ZNF713: variants seen among roughly 807,000 people sequenced by gnomAD.
ZNF713 encodes the protein zinc finger protein 713.
In ZNF713, 21 loss-of-function variants were observed where a neutral mutation model predicts 28.7. That is an observed-to-expected ratio of 0.73 (90% CI 0.52 to 1.05). The LOEUF (loss-of-function observed/expected upper bound fraction) is 1.05, where lower values mean the gene tolerates loss of function less well. Ranked by LOEUF, ZNF713 falls within the 50% of genes least tolerant of loss-of-function variation. The probability of loss-of-function intolerance (pLI) is 0.00; values close to 1 mark genes in which losing one functional copy is unlikely to be tolerated. For synonymous variants in ZNF713, 167 were observed against 178.0 expected (o/e 0.94, Z 0.49); for missense variants, 458 against 532.4 (o/e 0.86, Z 1.37).
rs577748739 is a variant in ZNF713, at chr7:55,932,712, G to A, written c.308-6270G>A. Reference sequence around the variant, plus strand: ...ATCCTGGCTAACAAGGTGAAACCCCGTCTCTACTAAAAATACAAAAAATTA... The same window carrying A: ...ATCCTGGCTAACAAGGTGAAACCCCATCTCTACTAAAAATACAAAAAATTA... On this transcript the variant is annotated intron_variant, in intron 6 of 6. Coordinates refer to ENST00000429591, the MANE Select transcript of ZNF713 (RefSeq NM_182633.3). Among the ~76,000 whole-genome samples, 7 of 144,538 alleles carry A rather than the reference G, an allele frequency of 4.8e-5. No homozygotes were observed. In the South Asian group the frequency reaches 1.3e-3, roughly 28 times the overall value. 94.8% of individuals were successfully genotyped at this position (144,538 alleles called of 152,430 possible).
chr7:55,900,417 G>A (rs982585316), intron 1 of ZNF713, among the ~76,000 whole-genome samples: 4 of 151,454 alleles, frequency 2.6e-5, no homozygotes, highest in South Asian at 2.1e-4. Context: ...GCAGTGAGCC[G>A]AGATTGCACC....
At chr7:55,899,333 G>GGT (rs1215047217) in intron 1 of ZNF713, among the ~76,000 whole-genome samples, 1 of 126,200 alleles carries the variant, frequency 7.9e-6, no homozygotes. Flanking sequence ...ATCCAGCCTA[G>GGT]GTGACAGAGC....
rs1786480682 is a variant in ZNF713 at position 55,942,132 on chromosome 7, G to A, written c.*2126G>A. 6.6e-6 allele frequency: 1 copy of A among 152,120 alleles called. No individual in the cohort carries two copies. The highest frequency in any genetic ancestry group is 1.5e-5 in the Non-Finnish European group (1 of 68,028). 9.4% of individuals were successfully genotyped at this position (152,120 alleles called of 1,614,324 possible). ...TCACTGTGGAAGATGGAGAAGTGAG[G>A]AACTGTACCTGCGGGTGAGCCCTGG... On this transcript the variant is annotated 3_prime_UTR_variant, in exon 7 of 7. Coordinates refer to ENST00000429591, the MANE Select transcript of ZNF713 (RefSeq NM_182633.3).
At chr7:55,938,868 T>G in intron 6 of ZNF713, 114 bp from the exon 7 acceptor site, 1 of 1,119,820 alleles carries the variant, frequency 8.9e-7, no homozygotes, top group Admixed American at 2.7e-5. Flanking sequence ...GTGTATGCCT[T>G]GTACACATTA....
chr7:55,895,333 T>G (rs926896615), intron 1 of ZNF713, among the ~76,000 whole-genome samples: 1 of 152,106 alleles, frequency 6.6e-6, no homozygotes, highest in East Asian at 1.9e-4. Flanking sequence ...CAGGATGCCA[T>G]TCGGGTTTCA....
intron 2 of ZNF713, among the ~76,000 whole-genome samples, chr7:55,909,012 A>G (rs959616871): frequency 2.6e-5 from 4 of 151,924 alleles, no homozygotes; most frequent in Admixed American, 1.3e-4. Flanking sequence ...CCTGGCCAAC[A>G]TGGTGAAACC....
chr7:55,937,789 C>T (rs1048481252), intron 6 of ZNF713, among the ~76,000 whole-genome samples: 1 of 152,030 alleles, frequency 6.6e-6, no homozygotes, highest in Non-Finnish European at 1.5e-5. Context: ...CACCTGTAGT[C>T]CTAGCTACTT....
chr7:55,923,586 G>A (rs2116240369), intron 5 of ZNF713, 21 bp from the exon 6 acceptor site: 1 of 1,566,822 alleles, frequency 6.4e-7, no homozygotes, highest in South Asian at 1.2e-5. Flanking sequence ...CTCCTAAGAT[G>A]TATGTTACTC....
At chr7:55,938,065 G>A (rs1350931924) in intron 6 of ZNF713, among the ~76,000 whole-genome samples, 2 of 152,224 alleles carry the variant, frequency 1.3e-5, no homozygotes, top group South Asian at 2.1e-4. Flanking sequence ...TTAGCTGGGT[G>A]TGATGGTACA....
chr7:55,917,457 T>C (rs1332572166), intron 4 of ZNF713, among the ~76,000 whole-genome samples: 1 of 152,044 alleles, frequency 6.6e-6, no homozygotes, highest in African/African-American at 2.4e-5. Context: ...CCCAGCACTT[T>C]GGGAGGCTGA....
At chr7:55,891,890 TA>T (rs1028139758) in intron 1 of ZNF713, among the ~76,000 whole-genome samples, 1 of 152,050 alleles carries the variant, frequency 6.6e-6, no homozygotes, top group Non-Finnish European at 1.5e-5. Context: ...ACTTATTTAA[TA>T]GAAAAAAATT....
At chr7:55,915,660 A>G (rs1785870022) in intron 4 of ZNF713, among the ~76,000 whole-genome samples, 1 of 152,214 alleles carries the variant, frequency 6.6e-6, no homozygotes, top group South Asian at 2.1e-4. Flanking sequence ...AATCATCTGC[A>G]AAAATCACGG....
In ZNF713 at chr7:55,887,489, C is replaced by G. The variant is rs924121505; in HGVS notation, c.-774C>G. ...GCGCCGCCATTGCGGGGAGGCTGTCCTCAGAGCAGGTCTGGCGCGCCGGTG... is the reference window on the plus strand; with the variant it reads ...GCGCCGCCATTGCGGGGAGGCTGTCGTCAGAGCAGGTCTGGCGCGCCGGTG... On this transcript the variant is annotated 5_prime_UTR_variant, in exon 1 of 7. Transcript: ENST00000429591. The G allele has an allele frequency of 6.4e-6, 1 of 157,020 alleles. No individual in the cohort carries two copies. Among genetic ancestry groups the G allele is most frequent in the Non-Finnish European group, 1.4e-5 (1 of 71,274 alleles). The allele number at this position is 157,020 out of a possible 1,614,324, so 9.7% of individuals were successfully genotyped here.
chr7:55,902,267 A>G (rs913095811), intron 1 of ZNF713, among the ~76,000 whole-genome samples: 2 of 152,224 alleles, frequency 1.3e-5, no homozygotes, highest in Admixed American at 6.5e-5. Context: ...TCTTTTGCTA[A>G]AATACATTAT....
intron 2 of ZNF713, among the ~76,000 whole-genome samples, chr7:55,910,325 C>A (rs1785763249): frequency 6.6e-6 from 1 of 152,052 alleles, no homozygotes; most frequent in African/African-American, 2.4e-5. Context: ...ACTTCTGGTA[C>A]TATGTTGAAT....
chr7:55,905,629 C>A (rs974966819), intron 1 of ZNF713, among the ~76,000 whole-genome samples: 16 of 152,088 alleles, frequency 1.1e-4, no homozygotes, highest in Non-Finnish European at 2.4e-4. Flanking sequence ...CAGAACATCA[C>A]CCCACTGCAC....
At chr7:55,936,129 A>T (rs1005583365) in intron 6 of ZNF713, among the ~76,000 whole-genome samples, 1 of 149,978 alleles carries the variant, frequency 6.7e-6, no homozygotes, top group African/African-American at 2.5e-5. Flanking sequence ...GCCAGGCATG[A>T]TAGTGTGCAC....
At chr7:55,933,999 C>T (rs112094684) in intron 6 of ZNF713, among the ~76,000 whole-genome samples, 18 of 152,240 alleles carry the variant, frequency 1.2e-4, no homozygotes, top group African/African-American at 4.1e-4. Flanking sequence ...GCCACCATAC[C>T]GAGCCTAATT....
intron 2 of ZNF713, among the ~76,000 whole-genome samples, chr7:55,907,707 A>T (rs1205104669): frequency 6.6e-6 from 1 of 152,040 alleles, no homozygotes; most frequent in African/African-American, 2.4e-5. Context: ...GGGAATGTGA[A>T]GTCTTTGATT....
Sources: gnomAD v4.1 joint callset for allele counts (sites outside exome capture counted in the v4.1 genomes callset) on GRCh38, gnomAD v4.1.1 for gene constraint, MANE v1.5 for transcripts, NCBI Gene and HGNC (gene_info 2026-07-23, HGNC 2026-07-21) for gene names.